Variants in DNAH14 observed in about 807,000 individuals in gnomAD.
DNAH14 encodes axonemal beta dynein heavy chain 14.
In DNAH14, 478 loss-of-function variants were observed where a neutral mutation model predicts 520.9. The observed-to-expected ratio is 0.92, with a 90% CI of 0.85 to 0.99. The LOEUF is 0.99. DNAH14 is among the 50% of genes least tolerant of loss of function. The pLI, the probability that DNAH14 is intolerant of heterozygous loss-of-function variation, is 0.00. For synonymous variants in DNAH14, 1,581 were observed against 1,757.2 expected (o/e 0.90, Z 2.51); for missense variants, 4,831 against 5,234.5 (o/e 0.92, Z 2.38).
chr1:225,088,121 C>A (rs532942974), intron 21 of DNAH14, among the ~76,000 whole-genome samples: 2 of 151,996 alleles, frequency 1.3e-5, no homozygotes, highest in Non-Finnish European at 2.9e-5. Context: ...ATATCCAGTA[C>A]ACAATAAGGT....
chr1:225,104,242 A>G (rs1365424611), intron 23 of DNAH14, among the ~76,000 whole-genome samples: 2 of 152,180 alleles, frequency 1.3e-5, no homozygotes, highest in Non-Finnish European at 2.9e-5. Context: ...AGCCCACTTG[A>G]TCATGGTGGA....
intron 2 of DNAH14, among the ~76,000 whole-genome samples, chr1:224,954,030 T>G (rs1462193945): frequency 6.6e-6 from 1 of 152,104 alleles, no homozygotes; most frequent in Non-Finnish European, 1.5e-5. Flanking sequence ...AAGTGACATT[T>G]TGATTGCTGC....
chr1:225,170,194 G>A (rs149105203), intron 36 of DNAH14, among the ~76,000 whole-genome samples: 318 of 152,276 alleles, frequency 2.1e-3, no homozygotes, highest in Non-Finnish European at 3.2e-3. Flanking sequence ...GTTGAGGCTA[G>A]GAAGAAACTG....
chr1:225,374,290 C>G (rs2095667362), intron 77 of DNAH14, among the ~76,000 whole-genome samples: 1 of 138,970 alleles, frequency 7.2e-6, no homozygotes, highest in African/African-American at 2.7e-5. Context: ...GAGATAGAGT[C>G]TCACTCTGTC....
chr1:225,245,841 A>C (rs2092249393), intron 43 of DNAH14, among the ~76,000 whole-genome samples: 1 of 152,164 alleles, frequency 6.6e-6, no homozygotes, highest in Non-Finnish European at 1.5e-5. Context: ...TCAAGCTACC[A>C]TTTACTTTCT....
chr1:225,255,710 C>T (rs2092708607), intron 44 of DNAH14, among the ~76,000 whole-genome samples: 1 of 152,088 alleles, frequency 6.6e-6, no homozygotes, highest in Non-Finnish European at 1.5e-5. Flanking sequence ...TTTAATACCC[C>T]TTTAAAGATA....
At chr1:225,319,655 C>T (rs2094525989) in intron 61 of DNAH14, among the ~76,000 whole-genome samples, 1 of 152,104 alleles carries the variant, frequency 6.6e-6, no homozygotes, top group South Asian at 2.1e-4. Context: ...TTCTTTCATT[C>T]GTATGCCCTC....
chr1:225,086,697 C>A (rs1341884589), intron 21 of DNAH14, among the ~76,000 whole-genome samples: 1 of 151,860 alleles, frequency 6.6e-6, no homozygotes, highest in Non-Finnish European at 1.5e-5. Flanking sequence ...GGACTTTATT[C>A]TTTAATCACA....
At chr1:225,151,769 C>T in intron 31 of DNAH14, 1 of 627,394 alleles carries the variant, frequency 1.6e-6, no homozygotes, top group South Asian at 1.9e-5. Context: ...GCCTCAGGTC[C>T]CAGAAACATC....
Position 225,240,771 on chromosome 1 carries a change from T to TA in DNAH14, c.6698dup (p.Tyr2233Ter). The change falls in exon 43 of 86, where the codon TAC becomes TAAC. Residue 2233 changes from tyrosine to a stop codon, truncating the protein, a stop_gained and frameshift_variant. Transcript: ENST00000682510. LOFTEE classifies it high-confidence loss of function. ...LEPDSLAKVTYDFDKLVHELF... is the reference protein window; with the variant it reads ...LEPDSLAKVT ...ACCTGATTCTCTTGCAAAAGTAACA[T>TA]ACGATTTTGACAAACTTGTTCATGA... 6.5e-7 allele frequency: 1 copy of TA among 1,550,262 alleles called. No individual in the cohort carries two copies. The highest frequency in any genetic ancestry group is 8.7e-7 in the Non-Finnish European group (1 of 1,146,040).
intron 8 of DNAH14, among the ~76,000 whole-genome samples, chr1:224,977,483 A>T (rs1019119382): frequency 6.6e-6 from 1 of 152,014 alleles, no homozygotes; most frequent in Non-Finnish European, 1.5e-5. Flanking sequence ...AACTTAAAGT[A>T]TAATAATAAT....
chr1:225,232,794 C>T lies in DNAH14; in HGVS notation c.6518+1643C>T, dbSNP rs1423698447. 2.0e-5 allele frequency among the ~76,000 whole-genome samples: 3 copies of T among 152,164 alleles called. No homozygotes were observed. The highest frequency in any genetic ancestry group is 4.4e-5 in the Non-Finnish European group (3 of 68,014). ...GTTATCCCTACTATTATTCTTCATG[C>T]AGTGCTTGATTCTTATTTTAAGTTC... is the stretch of plus-strand genomic sequence containing the variant. On this transcript the variant is annotated intron_variant, in intron 42 of 85. Transcript: ENST00000682510. This position sits in a 1 kb window ranked among gnomAD's most constrained non-coding sequence, Gnocchi z 4.2.
At chr1:225,342,701 C>T (rs1283218541) in intron 69 of DNAH14, among the ~76,000 whole-genome samples, 2 of 151,662 alleles carry the variant, frequency 1.3e-5, no homozygotes, top group African/African-American at 4.9e-5. Context: ...CACACACACA[C>T]ACACACACAC....
At chr1:224,942,039 G>C (rs935751039) in intron 1 of DNAH14, among the ~76,000 whole-genome samples, 1 of 152,100 alleles carries the variant, frequency 6.6e-6, no homozygotes, top group African/African-American at 2.4e-5. Context: ...TTCCAATTCT[G>C]TGAAGAAAGT....
chr1:225,085,571 G>C lies in DNAH14; in HGVS notation c.3355G>C (p.Asp1119His), dbSNP rs2073665120. The C allele has an allele frequency of 1.3e-6, 2 of 1,547,092 alleles. No homozygotes were observed. Among genetic ancestry groups the C allele is most frequent in the Non-Finnish European group, 1.7e-6 (2 of 1,143,270 alleles). ...KMFQYENEINDMSTSATNEAA... is the reference protein window; with the variant it reads ...KMFQYENEINHMSTSATNEAA... ...GTTTCAGTATGAAAATGAAATAAAT[G>C]ATATGTCAACCTCAGCAACTAATGA... The change falls in exon 21 of 86, where the codon GAT becomes CAT. Residue 1119 changes from aspartate (D) to histidine (H), a missense_variant. Transcript: ENST00000682510.
intron 81 of DNAH14, among the ~76,000 whole-genome samples, chr1:225,383,592 GTCC>G (rs1228931004): frequency 3.3e-5 from 5 of 152,326 alleles, no homozygotes; most frequent in African/African-American, 1.2e-4. Context: ...AGGTAGAAAT[GTCC>G]GGCTTGGACA....
rs1193834939 is a variant in DNAH14 at position 225,274,194 on chromosome 1, G to GTTTTT, written c.8010+1071_8010+1072insTTTTT. 2.5e-3 allele frequency among the ~76,000 whole-genome samples: 297 copies of GTTTTT among 120,242 alleles called. 22 individuals are homozygous for GTTTTT. Among genetic ancestry groups the GTTTTT allele is most frequent in the African/African-American group, 5.9e-3 (172 of 29,394 alleles). The allele number at this position is 120,242 out of a possible 152,430, so 78.9% of individuals were successfully genotyped here. A position where few individuals can be genotyped will look rare whatever the true frequency, so the allele number is the denominator to read the frequency against. On this transcript the variant is annotated intron_variant, in intron 52 of 85. Transcript: ENST00000682510. ...TTTCTCTGCATCCTCACCAGCATCT[G>GTTTTT]TTATTTTTTTTTTTTTTTTTTTTTT...
chr1:225,159,539 A>T, intron 35 of DNAH14, 54 bp downstream of exon 35: 1 of 1,397,756 alleles, frequency 7.2e-7, no homozygotes, highest in Non-Finnish European at 9.5e-7. Flanking sequence ...AATATCAATT[A>T]AGAAACTAGA....
At chr1:225,015,029 T>A (rs535060678) in intron 10 of DNAH14, among the ~76,000 whole-genome samples, 18 of 152,344 alleles carry the variant, frequency 1.2e-4, no homozygotes, top group African/African-American at 4.3e-4. Flanking sequence ...GCTGAACTGA[T>A]TCCTTTATTA....
Sources: gnomAD v4.1 joint callset for allele counts (sites outside exome capture counted in the v4.1 genomes callset) on GRCh38, gnomAD v4.1.1 for gene constraint, Gnocchi (gnomAD v3.1) non-coding constraint, MANE v1.5 for transcripts, NCBI Gene and HGNC (gene_info 2026-07-23, HGNC 2026-07-21) for gene names.